FBRSL1: variants seen among roughly 807,000 people sequenced by gnomAD.
FBRSL1 encodes the protein fibrosin-1-like protein.
A neutral mutation model predicts 89.6 loss-of-function variants in FBRSL1; 51 were observed. That is an observed-to-expected ratio of 0.57 (90% CI 0.45 to 0.72). The LOEUF (loss-of-function observed/expected upper bound fraction) is 0.72, where lower values mean the gene tolerates loss of function less well. FBRSL1 is among the 30% of genes least tolerant of loss of function. The pLI is 0.00. For missense variants in FBRSL1, 1,618 were observed against 1,451.8 expected, an observed-to-expected ratio of 1.11 and a Z score of -1.86; for synonymous variants, 779 against 681.1, an observed-to-expected ratio of 1.14 and a Z score of -2.24.
chr12:132,551,752 C>T (rs948650479), intron 5 of FBRSL1: 26 of 364,062 alleles, frequency 7.1e-5, no homozygotes, highest in Admixed American at 4.6e-4. Flanking sequence ...GCAGGAGGCT[C>T]CTTGGCAGCT....
chr12:132,564,095 A>G (rs1478212121), intron 5 of FBRSL1, among the ~76,000 whole-genome samples: 3 of 152,176 alleles, frequency 2.0e-5, no homozygotes, highest in Admixed American at 6.5e-5. Context: ...TCTGAGGCTC[A>G]CAGAGCGCGT....
At chr12:132,576,955 G>T (rs1384394610) in intron 15 of FBRSL1, 24 bp downstream of exon 15, 5 of 1,540,190 alleles carry the variant, frequency 3.2e-6, no homozygotes, top group East Asian at 2.5e-5. Flanking sequence ...CGGGCCAGGT[G>T]GGGGGCACAG....
At chr12:132,536,208 G>C (rs113684888) in intron 4 of FBRSL1, among the ~76,000 whole-genome samples, 1,691 of 152,016 alleles carry the variant, frequency 0.011, 13 homozygotes, top group Non-Finnish European at 0.017. Flanking sequence ...ATGATAGTGT[G>C]TGTGAGTGCA....
intron 15 of FBRSL1, among the ~76,000 whole-genome samples, chr12:132,577,993 C>T (rs1031196018): frequency 3.9e-5 from 6 of 152,258 alleles, no homozygotes; most frequent in Admixed American, 1.3e-4. Context: ...CCTTGAACCA[C>T]ACAGAGGCTG....
chr12:132,559,487 G>C (rs886181136), intron 5 of FBRSL1, among the ~76,000 whole-genome samples: 7 of 152,162 alleles, frequency 4.6e-5, no homozygotes, highest in African/African-American at 1.7e-4. Flanking sequence ...CACCTCCCGG[G>C]CTCAGTTGAT....
intron 2 of FBRSL1, among the ~76,000 whole-genome samples, chr12:132,508,812 GCACGTGA>G (rs2033996432): frequency 6.6e-6 from 1 of 152,252 alleles, no homozygotes; most frequent in Non-Finnish European, 1.5e-5. Context: ...GTGGCTGCAG[GCACGTGA>G]CTGTGGTCAG....
At position 132,570,105 on chromosome 12, in the gene FBRSL1, C is replaced by G; in HGVS notation, c.871C>G (p.Pro291Ala). 3.4e-6 allele frequency: 5 copies of G among 1,479,180 alleles called. No homozygotes were observed. Among genetic ancestry groups the G allele is most frequent in the Non-Finnish European group, 3.6e-6 (4 of 1,122,116 alleles). The allele number at this position is 1,479,180 out of a possible 1,614,324, so 91.6% of individuals were successfully genotyped here. ...SRANPLVKKE[P>A]PAPHRHTPQP... ...CGCCAATCCCTTGGTGAAGAAGGAA[C>G]CCCCCGCCCCGCACCGCCACACCCC... The change falls in exon 7 of 19, where the codon CCC becomes GCC. Residue 291 changes from proline (P) to alanine (A), a missense_variant. By Grantham distance (27) the Pro-to-Ala change is conservative. Transcript: ENST00000680143.
chr12:132,548,606 C>G (rs1593441427), intron 5 of FBRSL1, among the ~76,000 whole-genome samples: 1 of 152,212 alleles, frequency 6.6e-6, no homozygotes, highest in Non-Finnish European at 1.5e-5. Flanking sequence ...TCCGGGGGGG[C>G]TCTCCTTCTG....
At chr12:132,580,395 C>T (rs11614048) in intron 15 of FBRSL1, among the ~76,000 whole-genome samples, 11 of 151,584 alleles carry the variant, frequency 7.3e-5, no homozygotes, top group Non-Finnish European at 1.5e-4. Flanking sequence ...GCCAATTTCA[C>T]CAGTATTTTT....
chr12:132,573,704 A>AC (rs752817669), intron 11 of FBRSL1, among the ~76,000 whole-genome samples: 1 of 150,978 alleles, frequency 6.6e-6, no homozygotes, highest in Non-Finnish European at 1.5e-5. Flanking sequence ...TTGCTGTGGG[A>AC]CCCCCCTTTC....
chr12:132,536,090 G>C (rs1057460836), intron 4 of FBRSL1, among the ~76,000 whole-genome samples: 1 of 151,020 alleles, frequency 6.6e-6, no homozygotes, highest in African/African-American at 2.4e-5. Context: ...GTGTGTACAT[G>C]GTGTGTGTGT....
chr12:132,543,779 G>A (rs2037457002), intron 4 of FBRSL1, among the ~76,000 whole-genome samples: 1 of 152,212 alleles, frequency 6.6e-6, no homozygotes, highest in Non-Finnish European at 1.5e-5. Flanking sequence ...TGGCCCCTGG[G>A]GTGGTTGGGG....
In FBRSL1 at chr12:132,490,868, G is replaced by A; in HGVS notation, c.291+7G>A. On this transcript the variant is annotated splice_region_variant and intron_variant, in intron 1 of 18. Coordinates refer to ENST00000680143, the MANE Select transcript of FBRSL1 (RefSeq NM_001367871.1). The stretch of plus-strand genomic sequence containing the variant: ...CACCCTGGAGGCCCTGGAGGTAGGT[G>A]GACGGGTGCGGCTTCGCAGGCGTTG... 8.0e-7 allele frequency: 1 copy of A among 1,245,216 alleles called. No homozygotes were observed. 77.1% of individuals were successfully genotyped at this position (1,245,216 alleles called of 1,614,324 possible). A position where few individuals can be genotyped will look rare whatever the true frequency, so the allele number is the denominator to read the frequency against.
chr12:132,509,570 G>A (rs940388534), intron 2 of FBRSL1: 14 of 1,231,982 alleles, frequency 1.1e-5, no homozygotes, highest in South Asian at 4.1e-5. Flanking sequence ...TGCTGACCCC[G>A]TGTCACCACT....
intron 2 of FBRSL1, among the ~76,000 whole-genome samples, chr12:132,508,980 C>A (rs866131619): frequency 6.6e-6 from 1 of 152,184 alleles, no homozygotes; most frequent in African/African-American, 2.4e-5. Context: ...GCTTCCTCCG[C>A]GGGGGTCCGC....
chr12:132,572,251 G>T (rs1404103675), intron 9 of FBRSL1, 37 bp from the exon 10 acceptor site: 8 of 1,543,284 alleles, frequency 5.2e-6, no homozygotes, highest in Admixed American at 2.0e-5. Context: ...ACGGTGTCGT[G>T]TGTGCGGGGC....
At chr12:132,562,944 A>C (rs7973326) in intron 5 of FBRSL1, among the ~76,000 whole-genome samples, 72,351 of 143,534 alleles carry the variant, frequency 0.5, 19,627 homozygotes, top group East Asian at 0.85. Context: ...TTTTCAGATA[A>C]GAGGTGAAAC....
chr12:132,511,157 G>T lies in FBRSL1; in HGVS notation c.489+2807G>T, dbSNP rs533158857. ...GGGGGCACATGGGCCCATCTGGTGGGTCAGGACCTGCAGGGGACCCGGAGG... is the reference window on the plus strand; with the variant it reads ...GGGGGCACATGGGCCCATCTGGTGGTTCAGGACCTGCAGGGGACCCGGAGG... On this transcript the variant is annotated intron_variant, in intron 2 of 18. Coordinates refer to ENST00000680143, the MANE Select transcript of FBRSL1 (RefSeq NM_001367871.1). The T allele has an allele frequency of 1.9e-5, 19 of 985,570 alleles. No individual in the cohort carries two copies. In the Admixed American group the frequency reaches 3.1e-4, roughly 16 times the overall value. The allele number at this position is 985,570 out of a possible 1,614,324, so 61.1% of individuals were successfully genotyped here. A position where few individuals can be genotyped will look rare whatever the true frequency, so the allele number is the denominator to read the frequency against.
chr12:132,536,529 A>G (rs1475569488), intron 4 of FBRSL1, among the ~76,000 whole-genome samples: 1 of 149,712 alleles, frequency 6.7e-6, no homozygotes, highest in Non-Finnish European at 1.5e-5. Flanking sequence ...GCATGTGTAC[A>G]TGGTGTGTGC....
Sources: allele counts gnomAD v4.1 joint callset (sites outside exome capture counted in the v4.1 genomes callset), GRCh38; gene constraint gnomAD v4.1.1; transcripts MANE v1.5; gene names NCBI Gene and HGNC (gene_info 2026-07-23, HGNC 2026-07-21).